Variants in ADAMTSL3 observed in about 807,000 individuals in gnomAD.
ADAMTSL3 encodes ADAMTS-like protein 3.
ADAMTSL3 carries 128 observed loss-of-function variants against 201.7 expected under a neutral mutation model. The ratio of observed to expected loss-of-function variants is 0.63; its 90% CI spans 0.55 to 0.73. The LOEUF is 0.73. Among genes scored for constraint, ADAMTSL3 ranks in the 30% least tolerant of loss-of-function variants. The probability of loss-of-function intolerance (pLI) is 0.00; values close to 1 mark genes in which losing one functional copy is unlikely to be tolerated. For missense variants in ADAMTSL3, 1,990 were observed against 2,119.6 expected (o/e 0.94, Z 1.20); for synonymous variants, 738 against 748.4 (o/e 0.99, Z 0.23).
At chr15:84,033,157 G>GTA (rs2068439427) in intron 28 of ADAMTSL3, among the ~76,000 whole-genome samples, 1 of 151,704 alleles carries the variant, frequency 6.6e-6, no homozygotes, top group Non-Finnish European at 1.5e-5. Flanking sequence ...ATCTCACCTG[G>GTA]TATACTGTCA....
At chr15:83,777,723 A>C (rs8027992) in intron 4 of ADAMTSL3, among the ~76,000 whole-genome samples, 1 of 152,204 alleles carries the variant, frequency 6.6e-6, no homozygotes, top group Non-Finnish European at 1.5e-5. Flanking sequence ...CCTTCTTTCC[A>C]ACAGATGACC....
chr15:83,964,877 TAAAGAA>T (rs1462753909), intron 19 of ADAMTSL3, among the ~76,000 whole-genome samples: 2 of 152,156 alleles, frequency 1.3e-5, no homozygotes, highest in Non-Finnish European at 2.9e-5. Context: ...TCAACATTCT[TAAAGAA>T]AAGAATTTTC....
chr15:83,689,254 C>T (rs976931702), intron 2 of ADAMTSL3, among the ~76,000 whole-genome samples: 1 of 152,170 alleles, frequency 6.6e-6, no homozygotes, highest in African/African-American at 2.4e-5. Context: ...GTAATAATGA[C>T]ATAGTGAACA....
chr15:83,660,502 C>G (rs111317169), intron 2 of ADAMTSL3, among the ~76,000 whole-genome samples: 2 of 152,184 alleles, frequency 1.3e-5, no homozygotes, highest in Admixed American at 6.5e-5. Flanking sequence ...AAGTCATAAC[C>G]TTGTGTCTGA....
intron 17 of ADAMTSL3, among the ~76,000 whole-genome samples, chr15:83,939,575 C>G (rs1035620506): frequency 1.3e-5 from 2 of 151,558 alleles, no homozygotes; most frequent in Non-Finnish European, 2.9e-5. Context: ...TCTTTTTTCT[C>G]CATATTTTAT....
At position 83,819,791 on chromosome 15, in the gene ADAMTSL3, C is replaced by T. The variant is rs189771247; in HGVS notation, c.364-20C>T. The stretch of plus-strand genomic sequence containing the variant: ...CTCTCACTGGGTGATGTGCATGTGG[C>T]CTTTTCCCTCTGCCCCCAGGACTGC... On this transcript the variant is annotated intron_variant, in intron 5 of 29. Coordinates refer to ENST00000286744, the MANE Select transcript of ADAMTSL3 (RefSeq NM_207517.3). 25 of 1,595,406 alleles carry T rather than the reference C, an allele frequency of 1.6e-5. No homozygotes were observed. In the East Asian group the frequency reaches 4.7e-4, roughly 30 times the overall value.
At chr15:83,914,521 G>A (rs114703628) in intron 16 of ADAMTSL3, among the ~76,000 whole-genome samples, 346 of 152,308 alleles carry the variant, frequency 2.3e-3, no homozygotes, top group African/African-American at 8.2e-3. Flanking sequence ...AGTGGCATGT[G>A]CCTTACCCCC....
At chr15:83,695,062 C>A (rs903055486) in intron 2 of ADAMTSL3, among the ~76,000 whole-genome samples, 1 of 145,620 alleles carries the variant, frequency 6.9e-6, no homozygotes, top group Admixed American at 6.9e-5. Flanking sequence ...GTATTTGTGG[C>A]GTGTGCATGT....
At chr15:84,007,021 T>A (rs2067907598) in intron 23 of ADAMTSL3, among the ~76,000 whole-genome samples, 1 of 152,322 alleles carries the variant, frequency 6.6e-6, no homozygotes, top group East Asian at 1.9e-4. Context: ...ATTATCACTA[T>A]ATTTCCCAAA....
intron 3 of ADAMTSL3, among the ~76,000 whole-genome samples, chr15:83,711,578 A>G (rs2061934367): frequency 6.6e-6 from 1 of 152,256 alleles, no homozygotes; most frequent in African/African-American, 2.4e-5. Flanking sequence ...TCCAAGATTT[A>G]GCGATCTAAC....
At chr15:83,859,504 G>A (rs2141778371) in intron 8 of ADAMTSL3, among the ~76,000 whole-genome samples, 1 of 152,318 alleles carries the variant, frequency 6.6e-6, no homozygotes, top group East Asian at 1.9e-4. Flanking sequence ...ATGTTAAAAT[G>A]TTATCTTCAG....
At chr15:83,949,884 G>T (rs537640667) in intron 19 of ADAMTSL3, among the ~76,000 whole-genome samples, 2 of 151,854 alleles carry the variant, frequency 1.3e-5, no homozygotes, top group African/African-American at 4.8e-5. Context: ...ATAGAGTTGT[G>T]TGAGCCCCTT....
chr15:83,804,288 T>G (rs1335535127), intron 4 of ADAMTSL3, among the ~76,000 whole-genome samples: 2 of 152,202 alleles, frequency 1.3e-5, no homozygotes, highest in Admixed American at 1.3e-4. Context: ...CACAAATTCT[T>G]CTACATGTAG....
chr15:83,992,853 G>A (rs2067605986), intron 23 of ADAMTSL3, among the ~76,000 whole-genome samples: 1 of 152,220 alleles, frequency 6.6e-6, no homozygotes, highest in Non-Finnish European at 1.5e-5. Context: ...CTCCTGCCCT[G>A]TGCTGTGGGG....
intron 16 of ADAMTSL3, 88 bp from the exon 17 acceptor site, chr15:83,923,816 A>G: frequency 6.7e-7 from 1 of 1,494,490 alleles, no homozygotes; most frequent in South Asian, 1.3e-5. Flanking sequence ...CAGTATGCTA[A>G]GAATGAGAAG....
At chr15:83,805,045 T>C (rs2063581280) in intron 5 of ADAMTSL3, among the ~76,000 whole-genome samples, 2 of 152,192 alleles carry the variant, frequency 1.3e-5, no homozygotes, top group African/African-American at 2.4e-5. Context: ...ATTTCTCTTT[T>C]GCGAGTGAGA....
chr15:83,976,540 G>A (rs746159827), intron 20 of ADAMTSL3, among the ~76,000 whole-genome samples: 1 of 151,878 alleles, frequency 6.6e-6, no homozygotes, highest in Non-Finnish European at 1.5e-5. Context: ...TAGAATCAGT[G>A]AGAGTCCTGA....
Position 83,819,973 on chromosome 15 carries a change from C to T in ADAMTSL3, c.526C>T (p.Leu176=), listed in dbSNP as rs1347190370. ...ACAAGGACAAAACTTGGTGGTGGAG[C>T]TGGCACCTAAGGTACTGGATGGAAC... ...HAQGQNLVVE[L]APKVLDGTRC... Residue 176 remains leucine (L), a synonymous_variant, in exon 6 of 30, where the codon CTG becomes TTG. Coordinates refer to ENST00000286744, the MANE Select transcript of ADAMTSL3 (RefSeq NM_207517.3). The T allele has an allele frequency of 6.2e-7, 1 of 1,614,126 alleles. No individual in the cohort carries two copies. Among genetic ancestry groups the T allele is most frequent in the East Asian group, 2.2e-5 (1 of 44,882 alleles).
chr15:83,785,316 G>A (rs1039892938), intron 4 of ADAMTSL3, among the ~76,000 whole-genome samples: 2 of 152,154 alleles, frequency 1.3e-5, no homozygotes, highest in Non-Finnish European at 2.9e-5. Flanking sequence ...TATACTTTAT[G>A]AGTTCTTATA....
Sources: gnomAD v4.1 joint callset for allele counts (sites outside exome capture counted in the v4.1 genomes callset) on GRCh38, gnomAD v4.1.1 for gene constraint, MANE v1.5 for transcripts, NCBI Gene and HGNC (gene_info 2026-07-23, HGNC 2026-07-21) for gene names.